ENPP3: variants seen among roughly 807,000 people sequenced by gnomAD.
The protein encoded by ENPP3 is ectonucleotide pyrophosphatase/phosphodiesterase family member 3.
A neutral mutation model predicts 117.8 loss-of-function variants in ENPP3; 104 were observed. The observed-to-expected ratio is 0.88, with a 90% CI of 0.75 to 1.04. The LOEUF (loss-of-function observed/expected upper bound fraction) is 1.04, where lower values mean the gene tolerates loss of function less well. ENPP3 is among the 50% of genes least tolerant of loss of function. The pLI is 0.00. For synonymous variants in ENPP3, 380 were observed against 349.9 expected (o/e 1.09, Z -0.96); for missense variants, 1,026 against 1,051.9 (o/e 0.98, Z 0.34).
intron 15 of ENPP3, among the ~76,000 whole-genome samples, chr6:131,708,480 G>A (rs1453576189): frequency 6.6e-6 from 1 of 152,276 alleles, no homozygotes; most frequent in Admixed American, 6.5e-5. Flanking sequence ...ATACTATCCT[G>A]AGAACTATTA....
At chr6:131,666,207 T>TA (rs915880389) in intron 6 of ENPP3, among the ~76,000 whole-genome samples, 54 of 149,704 alleles carry the variant, frequency 3.6e-4, no homozygotes, top group East Asian at 1.8e-3. Flanking sequence ...GGTTCTGCTT[T>TA]AAAAAAAAAA....
At chr6:131,654,582 A>G (rs569627608) in intron 5 of ENPP3, among the ~76,000 whole-genome samples, 1 of 152,272 alleles carries the variant, frequency 6.6e-6, no homozygotes, top group East Asian at 1.9e-4. Flanking sequence ...AGGTGGGACT[A>G]TAAGCATGTG....
intron 19 of ENPP3, among the ~76,000 whole-genome samples, chr6:131,725,428 T>C (rs1312911325): frequency 1.3e-4 from 20 of 152,136 alleles, no homozygotes; most frequent in Admixed American, 1.2e-3. Flanking sequence ...TGAGCTCGTA[T>C]AGTGGAAGGA....
At chr6:131,743,500 T>A (rs1376291370) in intron 24 of ENPP3, among the ~76,000 whole-genome samples, 3 of 152,078 alleles carry the variant, frequency 2.0e-5, no homozygotes, top group African/African-American at 7.2e-5. Flanking sequence ...ATGGTGGCTA[T>A]TATAAAGGAA....
intron 15 of ENPP3, among the ~76,000 whole-genome samples, chr6:131,698,102 G>GGT (rs748290127): frequency 2.0e-5 from 3 of 151,810 alleles, no homozygotes; most frequent in East Asian, 1.9e-4. Context: ...TATGTGTGTG[G>GGT]GTGTGTGTGT....
intron 11 of ENPP3, among the ~76,000 whole-genome samples, chr6:131,679,393 C>T (rs1778973016): frequency 6.6e-6 from 1 of 152,020 alleles, no homozygotes; most frequent in African/African-American, 2.4e-5. Flanking sequence ...CTGCACCCAG[C>T]CATTCTTTTC....
In ENPP3 at chr6:131,733,706, G is replaced by A; in HGVS notation, c.2072G>A (p.Gly691Asp). Residue 691 changes from glycine (G) to aspartate (D), a missense_variant, in exon 21 of 25, where the codon GGC (glycine) becomes GAC (aspartate). By Grantham distance (94) the Gly-to-Asp change is moderately conservative (BLOSUM62 -1). Coordinates refer to ENST00000357639, the MANE Select transcript of ENPP3 (RefSeq NM_005021.5). ...TTAGCAGACAAGAATATCACCCACG[G>A]CTTCCTCTATCCTCCTGGTTAGTAG... ...FYLADKNITH[G>D]FLYPPASNRT... 1 of 1,613,982 alleles carries A rather than the reference G, an allele frequency of 6.2e-7. No homozygotes were observed. The highest frequency in any genetic ancestry group is 8.5e-7 in the Non-Finnish European group (1 of 1,179,940).
intron 20 of ENPP3, among the ~76,000 whole-genome samples, chr6:131,730,278 G>A (rs780742322): frequency 9.9e-5 from 15 of 152,092 alleles, no homozygotes; most frequent in Non-Finnish European, 1.9e-4. Flanking sequence ...ACATACTTAC[G>A]TAGCCCTTAT....
At chr6:131,724,192 G>T in intron 19 of ENPP3, 101 bp downstream of exon 19, 1 of 602,696 alleles carries the variant, frequency 1.7e-6, no homozygotes, top group East Asian at 4.6e-5. Context: ...AGAGGTTCCT[G>T]AACATAAAGA....
intron 6 of ENPP3, among the ~76,000 whole-genome samples, chr6:131,663,155 CT>C (rs1285590546): frequency 0.02 from 2,831 of 141,538 alleles, 79 homozygotes; most frequent in African/African-American, 0.065. Context: ...ATGTGGTTGC[CT>C]TTTTTTTTTT....
At chr6:131,653,750 C>A (rs1428485837) in intron 5 of ENPP3, among the ~76,000 whole-genome samples, 6 of 152,134 alleles carry the variant, frequency 3.9e-5, no homozygotes, top group African/African-American at 1.4e-4. Flanking sequence ...CCTCAAATTT[C>A]TTCCTTTTGA....
At chr6:131,660,413 A>G (rs11752781) in intron 6 of ENPP3, among the ~76,000 whole-genome samples, 35 of 152,206 alleles carry the variant, frequency 2.3e-4, no homozygotes, top group Admixed American at 3.9e-4. Flanking sequence ...GGCTCTCTGA[A>G]TCACACTCTA....
chr6:131,651,666 G>T (rs1159421702), intron 3 of ENPP3, among the ~76,000 whole-genome samples: 3 of 152,092 alleles, frequency 2.0e-5, no homozygotes, highest in Non-Finnish European at 4.4e-5. Context: ...AGGTGGTGGT[G>T]GGGGGGTGTC....
chr6:131,731,459 A>G (rs1413662018), intron 20 of ENPP3, among the ~76,000 whole-genome samples: 2 of 152,204 alleles, frequency 1.3e-5, no homozygotes, highest in African/African-American at 4.8e-5. Context: ...CTAAATGGGC[A>G]ATGAGATTGG....
chr6:131,674,727 G>A (rs189121688), intron 8 of ENPP3, among the ~76,000 whole-genome samples: 5 of 151,668 alleles, frequency 3.3e-5, no homozygotes, highest in Admixed American at 1.3e-4. Context: ...GCACCACCAC[G>A]CCCAGCTAAT....
At chr6:131,710,942 G>C (rs1446771623) in intron 15 of ENPP3, 2 of 1,566,010 alleles carry the variant, frequency 1.3e-6, no homozygotes, top group Non-Finnish European at 1.7e-6. Context: ...CTCTCAGGTA[G>C]TGCTGCCACA....
chr6:131,717,351 GGTGTGTGTGTGTGTGT>G (rs71030754), intron 15 of ENPP3, among the ~76,000 whole-genome samples: 21 of 89,426 alleles, frequency 2.3e-4, no homozygotes, highest in Middle Eastern at 0.01. Context: ...CCCTGCGGGG[GGTGTGTGTGTGTGTGT>G]GTGTGTGTGT....
intron 15 of ENPP3, among the ~76,000 whole-genome samples, chr6:131,693,897 C>G (rs1187290229): frequency 6.6e-6 from 1 of 152,034 alleles, no homozygotes; most frequent in Non-Finnish European, 1.5e-5. Context: ...CTTCCTACCC[C>G]CACTATGCTG....
intron 20 of ENPP3, among the ~76,000 whole-genome samples, chr6:131,729,998 G>A (rs1210043908): frequency 1.3e-5 from 2 of 152,044 alleles, no homozygotes; most frequent in African/African-American, 4.8e-5. Context: ...TACAGCCACA[G>A]CCTCATTAAA....
Sources: allele counts gnomAD v4.1 joint callset (sites outside exome capture counted in the v4.1 genomes callset), GRCh38; gene constraint gnomAD v4.1.1; transcripts MANE v1.5; gene names NCBI Gene and HGNC (gene_info 2026-07-23, HGNC 2026-07-21).